FLG: variants seen among roughly 807,000 people sequenced by gnomAD.
The protein encoded by FLG is epidermal filaggrin.
Under a neutral mutation model 3.8 loss-of-function variants are expected in FLG, and 6 were observed. The ratio of observed to expected loss-of-function variants is 1.60; its 90% CI spans 0.87 to 3.15. FLG has a LOEUF of 3.15. Among genes scored for constraint, FLG ranks in the 30% most tolerant of loss-of-function variants. The probability of loss-of-function intolerance (pLI) is 0.00; values close to 1 mark genes in which losing one functional copy is unlikely to be tolerated. For synonymous variants in FLG, 2,551 were observed against 1,931.6 expected (o/e 1.32, Z -8.41); for missense variants, 7,595 against 5,050.9 (o/e 1.50, Z -15.27).
rs767733051 is a variant in FLG, at chr1:152,312,968, A to T, written c.1918T>A (p.Ser640Thr). 14 of 1,613,726 alleles carry T rather than the reference A, an allele frequency of 8.7e-6. No homozygotes were observed. In the East Asian group the frequency reaches 2.5e-4, roughly 28 times the overall value. The change falls in exon 3 of 3, where the codon TCT becomes ACT. Residue 640 changes from serine (S) to threonine (T), a missense_variant. Coordinates refer to ENST00000368799, the MANE Select transcript of FLG (RefSeq NM_002016.2). ...HSEDSERWSG[S>T]ASRNHHGSAQ... Reference sequence around the variant, plus strand: ...GATCCATGATGGTTTCTGGAAGCAGACCCAGACCACCTCTCAGAGTCTTCT... The same window carrying T: ...GATCCATGATGGTTTCTGGAAGCAGTCCCAGACCACCTCTCAGAGTCTTCT...
chr1:152,318,030 T>C (rs1406135526), intron 1 of FLG, among the ~76,000 whole-genome samples: 1 of 152,032 alleles, frequency 6.6e-6, no homozygotes, highest in Non-Finnish European at 1.5e-5. Flanking sequence ...TACTTCACTC[T>C]GTTTCCTTCT....
rs1557869387 is a variant in FLG at position 152,302,908 on chromosome 1, T to G, written c.11978A>C (p.His3993Pro). 3 of 1,613,930 alleles carry G rather than the reference T, an allele frequency of 1.9e-6. No homozygotes were observed. The highest frequency in any genetic ancestry group is 2.5e-6 in the Non-Finnish European group (3 of 1,180,022). Reference sequence around the variant, plus strand: ...GTAACTAACACTTCCGTGCTGAGAGTGTCTAAACCCGGATTCACCATAATC... The same window carrying G: ...GTAACTAACACTTCCGTGCTGAGAGGGTCTAAACCCGGATTCACCATAATC... ...DYDYGESGFR[H>P]SQHGSVSYNS... The change falls in exon 3 of 3, where the codon CAC becomes CCC. Residue 3993 changes from histidine (H) to proline (P), a missense_variant. His to Pro is a moderately conservative substitution (Grantham distance 77). Transcript: ENST00000368799.
rs2101653106 is a variant in FLG at position 152,314,203 on chromosome 1, A to G, written c.683T>C (p.Ile228Thr). 6.2e-7 allele frequency: 1 copy of G among 1,613,878 alleles called. No individual in the cohort carries two copies. Among genetic ancestry groups the G allele is most frequent in the Non-Finnish European group, 8.5e-7 (1 of 1,179,970 alleles). ...ATATGTGGCAATATGGCCTGATTGT[A>G]TCCATTTTTGAGTCATTCTTCCTGT... ...ENTGRMTQKW[I>T]QSGHIATYYT... is the part of the protein sequence containing the mutation. Residue 228 changes from isoleucine (I) to threonine (T), a missense_variant, in exon 3 of 3, where the codon ATA becomes ACA. Transcript: ENST00000368799.
rs759979490 is a variant in FLG, at chr1:152,306,321, C to A, written c.8565G>T (p.Gly2855=). 19 of 1,602,648 alleles carry A rather than the reference C, an allele frequency of 1.2e-5. No homozygotes were observed. The Admixed American group carries it at 1.8e-4, about 16-fold the overall frequency. The part of the protein sequence containing the change: ...EQSGDGSRHS[G]SRHHEASTHA... ...GAGTGGAAGCTTCATGGTGACGCGA[C>A]CCTGAGTGCCTGGAGCCGTCTCCTG... Residue 2855 remains glycine, a synonymous_variant, in exon 3 of 3, where the codon GGG becomes GGT. Coordinates refer to ENST00000368799, the MANE Select transcript of FLG (RefSeq NM_002016.2).
Position 152,303,225 on chromosome 1 carries a change from A to G in FLG, c.11661T>C (p.His3887=), listed in dbSNP as rs200557501. 2 of 1,613,950 alleles carry G rather than the reference A, an allele frequency of 1.2e-6. No homozygotes were observed. Among genetic ancestry groups the G allele is most frequent in the South Asian group, 1.1e-5 (1 of 91,050 alleles). Residue 3887 remains histidine, a synonymous_variant, in exon 3 of 3, where the codon CAT becomes CAC. Transcript: ENST00000368799. ...ERRSESASRN[H]HGSSREQSRD... ...TTGACTGCTCCCGAGAAGATCCATGATGGTTTCTGGAAGCAGACTCAGATC... is the reference window on the plus strand; with the variant it reads ...TTGACTGCTCCCGAGAAGATCCATGGTGGTTTCTGGAAGCAGACTCAGATC...
In FLG at chr1:152,313,440, A is replaced by C. The variant is rs773905350; in HGVS notation, c.1446T>G (p.His482Gln). ...VSTHEQPDSA[H>Q]GRTGTSTGGR... ...CTCCAGTGCTGGTCCCGGTCCGTCC[A>C]TGGGCAGAGTCAGGCTGTTCATGAG... Residue 482 changes from histidine to glutamine, a missense_variant, in exon 3 of 3, where the codon CAT becomes CAG. Coordinates refer to ENST00000368799, the MANE Select transcript of FLG (RefSeq NM_002016.2). 2 of 1,613,610 alleles carry C rather than the reference A, an allele frequency of 1.2e-6. No homozygotes were observed. The highest frequency in any genetic ancestry group is 1.7e-6 in the Non-Finnish European group (2 of 1,179,960).
Position 152,302,453 on chromosome 1 carries a change from C to A in FLG, c.*247G>T. 1.9e-6 allele frequency: 1 copy of A among 518,438 alleles called. No individual in the cohort carries two copies. Among genetic ancestry groups the A allele is most frequent in the South Asian group, 2.5e-5 (1 of 40,270 alleles). 32.1% of individuals were successfully genotyped at this position (518,438 alleles called of 1,614,324 possible). On this transcript the variant is annotated 3_prime_UTR_variant, in exon 3 of 3. Transcript: ENST00000368799. The stretch of plus-strand genomic sequence containing the variant: ...TGACCCAGAATCTCCTAAAATACTC[C>A]AGCTAGTTTTCTAAAGTTAGCTCTC...
rs186543880 is a variant in FLG, at chr1:152,325,199, A to G, written c.-32T>C. On this transcript the variant is annotated 5_prime_UTR_variant, in exon 1 of 3. Coordinates refer to ENST00000368799, the MANE Select transcript of FLG (RefSeq NM_002016.2). ...TGTATTCCTTCTTACCTTGTTCACC[A>G]AAAGAGCAAATAGAATGTAGCCTGA... 2 of 152,038 alleles carry G rather than the reference A, an allele frequency of 1.3e-5. No homozygotes were observed. The highest frequency in any genetic ancestry group is 1.9e-4 in the East Asian group (1 of 5,154). The allele number at this position is 152,038 out of a possible 1,614,324, so 9.4% of individuals were successfully genotyped here. A position where few individuals can be genotyped will look rare whatever the true frequency, so the allele number is the denominator to read the frequency against.
rs746204718 is a variant in FLG at position 152,307,542 on chromosome 1, G to C, written c.7344C>G (p.Asp2448Glu). Residue 2448 changes from aspartate to glutamate, a missense_variant, in exon 3 of 3, where the codon GAC becomes GAG. By Grantham distance (45) the Asp-to-Glu change is conservative. Transcript: ENST00000368799. ...CTTGGGACGTTGAGTGCCTGGAGCT[G>C]TCTCGTGCCTGCTTGTGGTGGGATC... is the stretch of plus-strand genomic sequence containing the variant. The part of the protein sequence containing the change: ...RQGSHHKQAR[D>E]SSRHSTSQEG... The C allele has an allele frequency of 4.3e-6, 7 of 1,613,802 alleles. No individual in the cohort carries two copies. In the South Asian group the frequency reaches 5.5e-5, roughly 13 times the overall value.
Position 152,308,434 on chromosome 1 carries a change from C to T in FLG, c.6452G>A (p.Gly2151Glu), listed in dbSNP as rs146106776. 3.1e-6 allele frequency: 5 copies of T among 1,613,616 alleles called. No homozygotes were observed. Among genetic ancestry groups the T allele is most frequent in the South Asian group, 2.2e-5 (2 of 91,044 alleles). ...HPGPSRGGRQ[G>E]SHQEQSVDRS... The stretch of plus-strand genomic sequence containing the variant: ...ATCTACCGATTGCTCTTGGTGGGAC[C>T]CCTGTCTTCCTCCTCTGCTTGGCCC... The change falls in exon 3 of 3, where the codon GGG (glycine) becomes GAG (glutamate). Residue 2151 changes from glycine to glutamate, a missense_variant. Physicochemically the swap from Gly to Glu is moderately conservative, Grantham distance 98. Coordinates refer to ENST00000368799, the MANE Select transcript of FLG (RefSeq NM_002016.2).
Position 152,309,391 on chromosome 1 carries a change from G to T in FLG, c.5495C>A (p.Ser1832Ter), listed in dbSNP as rs772920605. 2.5e-6 allele frequency: 4 copies of T among 1,613,602 alleles called. No individual in the cohort carries two copies. In the African/African-American group the frequency reaches 4.0e-5, roughly 16 times the overall value. The change falls in exon 3 of 3, where the codon TCG becomes TAG. Residue 1832 changes from serine to a stop codon, truncating the protein, a stop_gained. Coordinates refer to ENST00000368799, the MANE Select transcript of FLG (RefSeq NM_002016.2). LOFTEE classifies it low-confidence loss of function (END_TRUNC). ...GGRQGSHYEQ[S>*]VDSSGHSGSH... ...CCCTGAGTGTCCAGAACTATCTACC[G>T]ATTGCTCATAGTGGGATCCCTGCCT...
chr1:152,310,009 G>T lies in FLG; in HGVS notation c.4877C>A (p.Ser1626Ter), dbSNP rs1354185952. The change falls in exon 3 of 3, where the codon TCA (serine) becomes TAA (stop). Residue 1626 changes from serine (S) to a stop codon, truncating the protein, a stop_gained. Coordinates refer to ENST00000368799, the MANE Select transcript of FLG (RefSeq NM_002016.2). LOFTEE classifies it low-confidence loss of function (END_TRUNC). ...CCTGGGGTTCCTGGAGCCATGTCTT[G>T]ACTGCTCCCGAGCAGATCCATAATG... ...RNHYGSAREQSRHGSRNPRSH... is the reference protein window; with the variant it reads ...RNHYGSAREQ 6.2e-7 allele frequency: 1 copy of T among 1,613,778 alleles called. No individual in the cohort carries two copies. The highest frequency in any genetic ancestry group is 8.5e-7 in the Non-Finnish European group (1 of 1,180,022).
intron 1 of FLG, among the ~76,000 whole-genome samples, chr1:152,324,361 C>G (rs1653078556): frequency 6.6e-6 from 1 of 151,896 alleles, no homozygotes; most frequent in African/African-American, 2.4e-5. Context: ...TCTGACATCA[C>G]CATATACCAC....
Position 152,312,998 on chromosome 1 carries a change from G to C in FLG, c.1888C>G (p.His630Asp), listed in dbSNP as rs1652570789. Residue 630 changes from histidine (H) to aspartate (D), a missense_variant, in exon 3 of 3, where the codon CAC becomes GAC. Coordinates refer to ENST00000368799, the MANE Select transcript of FLG (RefSeq NM_002016.2). Reference protein sequence around the residue: ...SVSQDSDSQGHSEDSERWSGS... With the variant: ...SVSQDSDSQGDSEDSERWSGS... ...GACCACCTCTCAGAGTCTTCTGAGT[G>C]TCCCTGACTGTCACTGTCCTGGCTA... 1.9e-6 allele frequency: 3 copies of C among 1,613,982 alleles called. No individual in the cohort carries two copies. Among genetic ancestry groups the C allele is most frequent in the Non-Finnish European group, 2.5e-6 (3 of 1,180,010 alleles).
Position 152,309,506 on chromosome 1 carries a change from G to T in FLG, c.5380C>A (p.His1794Asn). ...PSTGGRQRSR[H>N]EQARDSSRHS... ...CTGGAGCTGTCTCGTGCCTGCTCGT[G>T]GCGGGATCTTTGTCTTCCTCCAGTG... Residue 1794 changes from histidine to asparagine, a missense_variant, in exon 3 of 3, where the codon CAC becomes AAC. By Grantham distance (68) the His-to-Asn change is moderately conservative. Transcript: ENST00000368799. 1 of 1,613,840 alleles carries T rather than the reference G, an allele frequency of 6.2e-7. No individual in the cohort carries two copies. The highest frequency in any genetic ancestry group is 8.5e-7 in the Non-Finnish European group (1 of 1,179,964).
chr1:152,310,932 A>G lies in FLG; in HGVS notation c.3954T>C (p.Ser1318=). ...TGGAGCTGTCTGCAGAGTGCCCGTG[A>G]CTGGCTCTGTCTTCTTGATGGAACC... The part of the protein sequence containing the change: ...HPGFHQEDRA[S]HGHSADSSRQ... Residue 1318 remains serine, a synonymous_variant, in exon 3 of 3, where the codon AGT becomes AGC. Transcript: ENST00000368799. 1.9e-6 allele frequency: 3 copies of G among 1,613,888 alleles called. No individual in the cohort carries two copies. The highest frequency in any genetic ancestry group is 2.5e-6 in the Non-Finnish European group (3 of 1,179,970).
rs370748065 is a variant in FLG at position 152,313,351 on chromosome 1, C to G, written c.1535G>C (p.Gly512Ala). The change falls in exon 3 of 3, where the codon GGT (glycine) becomes GCT (alanine). Residue 512 changes from glycine (G) to alanine (A), a missense_variant. Physicochemically the swap from Gly to Ala is moderately conservative, Grantham distance 60 (BLOSUM62 0). Coordinates refer to ENST00000368799, the MANE Select transcript of FLG (RefSeq NM_002016.2). ...DSSRHSASQEGQDTIRGHPGS... is the reference protein window; with the variant it reads ...DSSRHSASQEAQDTIRGHPGS... ...CGGGTGTCCACGAATGGTGTCCTGA[C>G]CCTCTTGGGACGCTGAATGCCTGGA... is the stretch of plus-strand genomic sequence containing the variant. The G allele has an allele frequency of 6.2e-7, 1 of 1,613,192 alleles. No homozygotes were observed. Among genetic ancestry groups the G allele is most frequent in the South Asian group, 1.1e-5 (1 of 91,032 alleles).
At position 152,308,629 on chromosome 1, in the gene FLG, C is replaced by T. The variant is rs761082529; in HGVS notation, c.6257G>A (p.Arg2086His). Residue 2086 changes from arginine (R) to histidine (H), a missense_variant, in exon 3 of 3, where the codon CGT becomes CAT. Arg to His is a conservative substitution (Grantham distance 29). Transcript: ENST00000368799. ...ARGQSGESSG[R>H]SGSFLYQVST... The stretch of plus-strand genomic sequence containing the variant: ...CACCTGGTAGAGGAAAGACCCTGAA[C>T]GTCCAGAGCTTTCCCCTGACTGGCC... 291 of 1,613,972 alleles carry T rather than the reference C, an allele frequency of 1.8e-4. No individual in the cohort carries two copies. The highest frequency in any genetic ancestry group is 2.3e-4 in the Non-Finnish European group (272 of 1,180,010).
Position 152,304,899 on chromosome 1 carries a change from G to C in FLG, c.9987C>G (p.Asp3329Glu). 1 of 1,613,706 alleles carries C rather than the reference G, an allele frequency of 6.2e-7. No individual in the cohort carries two copies. The highest frequency in any genetic ancestry group is 8.5e-7 in the Non-Finnish European group (1 of 1,179,918). Reference sequence around the variant, plus strand: ...TACCACTGGACCCCCAGTGTCTACTGTCTCTGACTGCAGATGAAGCTTGTC... The same window carrying C: ...TACCACTGGACCCCCAGTGTCTACTCTCTCTGACTGCAGATGAAGCTTGTC... ...PRGQASSAVR[D>E]SRHWGSSGSQ... Residue 3329 changes from aspartate (D) to glutamate (E), a missense_variant, in exon 3 of 3, where the codon GAC (aspartate) becomes GAG (glutamate). Transcript: ENST00000368799.
Sources: allele counts gnomAD v4.1 joint callset (sites outside exome capture counted in the v4.1 genomes callset), GRCh38; gene constraint gnomAD v4.1.1; transcripts MANE v1.5; gene names NCBI Gene and HGNC (gene_info 2026-07-23, HGNC 2026-07-21).